The following PSAPL1 variants were observed in gnomAD, a reference collection of about 807,000 sequenced individuals.
The protein encoded by PSAPL1 is proactivator polypeptide-like 1.
For missense variants in PSAPL1, 814 were observed against 688.8 expected (o/e 1.18, Z -2.03); for synonymous variants, 351 against 291.6 (o/e 1.20, Z -2.08).
Position 7,433,889 on chromosome 4 carries a change from A to T in PSAPL1, c.991T>A (p.Ser331Thr), listed in dbSNP as rs763474000. ...LERVCSVMPA[S>T]ITKECIILVD... ...AAGATGATGCACTCCTTCGTGATAG[A>T]GGCAGGCATTACCGAGCACACGCGC... Residue 331 changes from serine to threonine, a missense_variant, in exon 1 of 1, where the codon TCT becomes ACT. Transcript: ENST00000319098. 6.2e-7 allele frequency: 1 copy of T among 1,613,846 alleles called. No homozygotes were observed. The highest frequency in any genetic ancestry group is 1.1e-5 in the South Asian group (1 of 91,056).
Position 7,434,147 on chromosome 4 carries a change from G to T in PSAPL1, c.733C>A (p.Gln245Lys), listed in dbSNP as rs765536291. 1.2e-6 allele frequency: 2 copies of T among 1,613,894 alleles called. No individual in the cohort carries two copies. The highest frequency in any genetic ancestry group is 2.2e-5 in the South Asian group (2 of 91,060). ...ADQALRLLPP[Q>K]ELCRKGGFCE... ...AATCCCCCCTTCCTGCAGAGCTCCT[G>T]CGGGGGGAGAAGCCTCAGTGCTTGG... The change falls in exon 1 of 1, where the codon CAG (glutamine) becomes AAG (lysine). Residue 245 changes from glutamine (Q) to lysine (K), a missense_variant. Coordinates refer to ENST00000319098, the MANE Select transcript of PSAPL1 (RefSeq NM_001085382.2).
In PSAPL1 at chr4:7,433,983, G is replaced by A. The variant is rs75831778; in HGVS notation, c.897C>T (p.Asn299=). ...KAGVTCEVCM[N]VVQKLDHWLM... ...GCCAGTGGTCCAGCTTCTGCACCACGTTCATGCACACCTCACAGGTCACAC... is the reference window on the plus strand; with the variant it reads ...GCCAGTGGTCCAGCTTCTGCACCACATTCATGCACACCTCACAGGTCACAC... The change falls in exon 1 of 1, where the codon AAC becomes AAT. Residue 299 remains asparagine, a synonymous_variant. Transcript: ENST00000319098. 17 of 1,613,770 alleles carry A rather than the reference G, an allele frequency of 1.1e-5. No individual in the cohort carries two copies. The Middle Eastern group carries it at 6.6e-4, about 63-fold the overall frequency.
chr4:7,434,835 G>A lies in PSAPL1; in HGVS notation c.45C>T (p.Thr15=). 1 of 1,594,938 alleles carries A rather than the reference G, an allele frequency of 6.3e-7. No homozygotes were observed. Among genetic ancestry groups the A allele is most frequent in the Non-Finnish European group, 8.5e-7 (1 of 1,171,354 alleles). The change falls in exon 1 of 1, where the codon ACC becomes ACT. Residue 15 remains threonine, a synonymous_variant. Transcript: ENST00000319098. ...LLLLPSLLGA[T]RASPTSGPQE... ...GGGGGCCTGAGGTGGGGCTGGCCCT[G>A]GTGGCCCCCAGGAGGCTGGGCAGGA...
chr4:7,434,454 C>A lies in PSAPL1; in HGVS notation c.426G>T (p.Pro142=). The A allele has an allele frequency of 6.2e-7, 1 of 1,610,468 alleles. No homozygotes were observed. Among genetic ancestry groups the A allele is most frequent in the Non-Finnish European group, 8.5e-7 (1 of 1,179,134 alleles). Residue 142 remains proline, a synonymous_variant, in exon 1 of 1, where the codon CCG becomes CCT. Coordinates refer to ENST00000319098, the MANE Select transcript of PSAPL1 (RefSeq NM_001085382.2). ...TCAGGGTGGCCAGGTGCCTCTGCAG[C>A]GGCTCACAGAGGCTGAGCGCTGTGC... ...QVCTALSLCE[P]LQRHLATLRP...
At position 7,431,606 on chromosome 4, in the gene PSAPL1, C is replaced by G. The variant is rs1278239643; in HGVS notation, c.*1708G>C. 6.6e-6 allele frequency: 1 copy of G among 152,164 alleles called. No individual in the cohort carries two copies. Among genetic ancestry groups the G allele is most frequent in the Non-Finnish European group, 1.5e-5 (1 of 68,052 alleles). The allele number at this position is 152,164 out of a possible 1,614,324, so 9.4% of individuals were successfully genotyped here. ...AAGAGGCAGATACTGAGGCCAACAA[C>G]TTCGGGCCCCTGTGTTTTGGAGTCT... On this transcript the variant is annotated 3_prime_UTR_variant, in exon 1 of 1. Transcript: ENST00000319098.
chr4:7,433,770 C>T lies in PSAPL1; in HGVS notation c.1110G>A (p.Arg370=), dbSNP rs755991782. 2.0e-5 allele frequency: 32 copies of T among 1,613,340 alleles called. No individual in the cohort carries two copies. Among genetic ancestry groups the T allele is most frequent in the Non-Finnish European group, 2.5e-5 (30 of 1,179,844 alleles). The change falls in exon 1 of 1, where the codon AGG becomes AGA. Residue 370 remains arginine (R), a synonymous_variant. Transcript: ENST00000319098. ...AGGCATCATGGACTGCCCGGGCCCGCCTCCGGTTGCCACACAGACGGATGA... is the reference window on the plus strand; with the variant it reads ...AGGCATCATGGACTGCCCGGGCCCGTCTCCGGTTGCCACACAGACGGATGA... ...CKFIRLCGNR[R]RARAVHDAYA...
In PSAPL1 at chr4:7,433,699, C is replaced by G. The variant is rs750805661; in HGVS notation, c.1181G>C (p.Ser394Thr). ...CAGCCTCTTGCACCCATTGCAGAAG[C>G]TGCCCTGGTTCTCCGCGTCCCACTC... ...SPEWDAENQG[S>T]FCNGCKRLLT... Residue 394 changes from serine to threonine, a missense_variant, in exon 1 of 1, where the codon AGC (serine) becomes ACC (threonine). Physicochemically the swap from Ser to Thr is moderately conservative, Grantham distance 58. Coordinates refer to ENST00000319098, the MANE Select transcript of PSAPL1 (RefSeq NM_001085382.2). 12 of 1,612,784 alleles carry G rather than the reference C, an allele frequency of 7.4e-6. No individual in the cohort carries two copies. The African/African-American group carries it at 8.0e-5, about 11-fold the overall frequency.
rs1320894393 is a variant in PSAPL1 at position 7,434,718 on chromosome 4, C to A, written c.162G>T (p.Trp54Cys). The A allele has an allele frequency of 1.2e-6, 2 of 1,612,832 alleles. No individual in the cohort carries two copies. The highest frequency in any genetic ancestry group is 1.1e-5 in the South Asian group (1 of 90,840). Residue 54 changes from tryptophan (W) to cysteine (C), a missense_variant, in exon 1 of 1, where the codon TGG becomes TGT. Physicochemically the swap from Trp to Cys is radical, Grantham distance 215. Transcript: ENST00000319098. Reference sequence around the variant, plus strand: ...GCAGAGACTTCGCGGTGGGTTTGTTCCATACGGCCCCTTGGCAGTACCCCA... The same window carrying A: ...GCAGAGACTTCGCGGTGGGTTTGTTACATACGGCCCCTTGGCAGTACCCCA... The part of the protein sequence containing the change: ...GAVGYCQGAV[W>C]NKPTAKSLPC...
rs771657075 is a variant in PSAPL1 at position 7,434,595 on chromosome 4, A to G, written c.285T>C (p.Cys95=). ...SDILALVMKT[C]EWLPSQESSA... ...AAGACTCCTGGCTGGGGAGCCACTC[A>G]CAGGTCTTCATCACCAAAGCCAGGA... Residue 95 remains cysteine, a synonymous_variant, in exon 1 of 1, where the codon TGT becomes TGC. Coordinates refer to ENST00000319098, the MANE Select transcript of PSAPL1 (RefSeq NM_001085382.2). 8 of 1,613,364 alleles carry G rather than the reference A, an allele frequency of 5.0e-6. No individual in the cohort carries two copies. Among genetic ancestry groups the G allele is most frequent in the African/African-American group, 2.7e-5 (2 of 74,936 alleles).
In PSAPL1 at chr4:7,434,428, C is replaced by T; in HGVS notation, c.452G>A (p.Arg151Lys). Residue 151 changes from arginine to lysine, a missense_variant, in exon 1 of 1, where the codon AGG becomes AAG. By Grantham distance (26) the Arg-to-Lys change is conservative. Coordinates refer to ENST00000319098, the MANE Select transcript of PSAPL1 (RefSeq NM_001085382.2). ...AAAGGTGTCCTCTTTGGAGAGTGGC[C>T]TCAGGGTGGCCAGGTGCCTCTGCAG... ...EPLQRHLATL[R>K]PLSKEDTFEA... 6.2e-7 allele frequency: 1 copy of T among 1,609,202 alleles called. No homozygotes were observed. Among genetic ancestry groups the T allele is most frequent in the Non-Finnish European group, 8.5e-7 (1 of 1,178,562 alleles).
chr4:7,434,850 G>A lies in PSAPL1; in HGVS notation c.30C>T (p.Ser10=). 3.2e-6 allele frequency: 5 copies of A among 1,585,418 alleles called. No individual in the cohort carries two copies. The highest frequency in any genetic ancestry group is 2.3e-5 in the East Asian group (1 of 43,280). ...GGCTGGCCCTGGTGGCCCCCAGGAG[G>A]CTGGGCAGGAGGAGCAGGGCACACA... The part of the protein sequence containing the change: MLCALLLLP[S]LLGATRASPT... The change falls in exon 1 of 1, where the codon AGC becomes AGT. Residue 10 remains serine (S), a synonymous_variant. Coordinates refer to ENST00000319098, the MANE Select transcript of PSAPL1 (RefSeq NM_001085382.2).
At position 7,434,331 on chromosome 4, in the gene PSAPL1, C is replaced by T. The variant is rs1393396063; in HGVS notation, c.549G>A (p.Leu183=). Residue 183 remains leucine (L), a synonymous_variant, in exon 1 of 1, where the codon CTG becomes CTA. Coordinates refer to ENST00000319098, the MANE Select transcript of PSAPL1 (RefSeq NM_001085382.2). ...AGACCTGCCGTACACAGTCTTGGCA[C>T]AGAGCTCCTTCAGGCGCCTGGCGGG... The part of the protein sequence containing the change: ...FHPRQAPEGA[L]CQDCVRQVSR... 6.2e-7 allele frequency: 1 copy of T among 1,610,984 alleles called. No individual in the cohort carries two copies. The highest frequency in any genetic ancestry group is 2.2e-5 in the East Asian group (1 of 44,816).
chr4:7,431,678 C>A lies in PSAPL1; in HGVS notation c.*1636G>T, dbSNP rs1170539732. ...GGCCCATCCGGTGGCCAGGCACGAC[C>A]ACCACCCCTTGCTGGCCTTATCTTT... is the stretch of plus-strand genomic sequence containing the variant. On this transcript the variant is annotated 3_prime_UTR_variant, in exon 1 of 1. Transcript: ENST00000319098. The A allele has an allele frequency of 6.6e-6, 1 of 152,264 alleles. No individual in the cohort carries two copies. Among genetic ancestry groups the A allele is most frequent in the Non-Finnish European group, 1.5e-5 (1 of 68,080 alleles). 9.4% of individuals were successfully genotyped at this position (152,264 alleles called of 1,614,324 possible). A position where few individuals can be genotyped will look rare whatever the true frequency, so the allele number is the denominator to read the frequency against.
chr4:7,434,628 C>T lies in PSAPL1; in HGVS notation c.252G>A (p.Glu84=), dbSNP rs2109239149. Residue 84 remains glutamate, a synonymous_variant, in exon 1 of 1, where the codon GAG becomes GAA. Transcript: ENST00000319098. ...TCATCACCAAAGCCAGGATGTCAGACTCCGTGGCGTCAGGGTTCAGCCCAT... is the reference window on the plus strand; with the variant it reads ...TCATCACCAAAGCCAGGATGTCAGATTCCGTGGCGTCAGGGTTCAGCCCAT... ...AGNGLNPDAT[E]SDILALVMKT... The T allele has an allele frequency of 6.2e-7, 1 of 1,613,362 alleles. No individual in the cohort carries two copies. Among genetic ancestry groups the T allele is most frequent in the South Asian group, 1.1e-5 (1 of 90,886 alleles).
In PSAPL1 at chr4:7,434,315, G is replaced by C. The variant is rs373856385; in HGVS notation, c.565C>G (p.Arg189Gly). 5 of 1,611,272 alleles carry C rather than the reference G, an allele frequency of 3.1e-6. No homozygotes were observed. The Admixed American group carries it at 8.4e-5, about 27-fold the overall frequency. The change falls in exon 1 of 1, where the codon CGG becomes GGG. Residue 189 changes from arginine (R) to glycine (G), a missense_variant. Coordinates refer to ENST00000319098, the MANE Select transcript of PSAPL1 (RefSeq NM_001085382.2). ...GCCTCCTGGAGTCGGGAGACCTGCC[G>C]TACACAGTCTTGGCACAGAGCTCCT... ...PEGALCQDCV[R>G]QVSRLQEAVR... is the part of the protein sequence containing the mutation.
chr4:7,433,763 G>T lies in PSAPL1; in HGVS notation c.1117C>A (p.Arg373=), dbSNP rs751086380. 3 of 1,613,184 alleles carry T rather than the reference G, an allele frequency of 1.9e-6. No individual in the cohort carries two copies. Among genetic ancestry groups the T allele is most frequent in the Non-Finnish European group, 2.5e-6 (3 of 1,179,848 alleles). ...ATGGCATAGGCATCATGGACTGCCC[G>T]GGCCCGCCTCCGGTTGCCACACAGA... The part of the protein sequence containing the change: ...IRLCGNRRRA[R]AVHDAYAIVP... Residue 373 remains arginine (R), a synonymous_variant, in exon 1 of 1, where the codon CGG becomes AGG. Transcript: ENST00000319098.
rs1726747819 is a variant in PSAPL1, at chr4:7,430,315, G to A, written c.*2999C>T. On this transcript the variant is annotated 3_prime_UTR_variant, in exon 1 of 1. Transcript: ENST00000319098. ...AACATCGTTGGGTATATTTGTATCTGGTTTGAAGTTTCTAACAACACATCA... is the reference window on the plus strand; with the variant it reads ...AACATCGTTGGGTATATTTGTATCTAGTTTGAAGTTTCTAACAACACATCA... 1 of 150,790 alleles carries A rather than the reference G, an allele frequency of 6.6e-6. No individual in the cohort carries two copies. The highest frequency in any genetic ancestry group is 2.1e-4 in the South Asian group (1 of 4,796). The allele number at this position is 150,790 out of a possible 1,614,324, so 9.3% of individuals were successfully genotyped here.
chr4:7,433,824 G>C lies in PSAPL1; in HGVS notation c.1056C>G (p.Ala352=). The C allele has an allele frequency of 6.2e-7, 1 of 1,613,798 alleles. No homozygotes were observed. The highest frequency in any genetic ancestry group is 8.5e-7 in the Non-Finnish European group (1 of 1,179,876). The part of the protein sequence containing the change: ...TYSPSLVQLV[A]KITPEKVCKF... Reference sequence around the variant, plus strand: ...TGCACACCTTCTCTGGGGTGATTTTGGCCACAAGCTGCACCAAGGAGGGGC... The same window carrying C: ...TGCACACCTTCTCTGGGGTGATTTTCGCCACAAGCTGCACCAAGGAGGGGC... The change falls in exon 1 of 1, where the codon GCC becomes GCG. Residue 352 remains alanine (A), a synonymous_variant. Transcript: ENST00000319098.
chr4:7,431,819 C>T lies in PSAPL1; in HGVS notation c.*1495G>A, dbSNP rs935759905. ...CTGGGGCGGTGGCCCAGGTCTGCGA[C>T]GTTTACTTAAGAGCTCGGGTGTGGC... On this transcript the variant is annotated 3_prime_UTR_variant, in exon 1 of 1. Coordinates refer to ENST00000319098, the MANE Select transcript of PSAPL1 (RefSeq NM_001085382.2). The T allele has an allele frequency of 2.0e-5, 3 of 152,206 alleles. No homozygotes were observed. The highest frequency in any genetic ancestry group is 4.8e-5 in the African/African-American group (2 of 41,440). 9.4% of individuals were successfully genotyped at this position (152,206 alleles called of 1,614,324 possible).
Sources: allele counts gnomAD v4.1 joint callset, GRCh38; gene constraint gnomAD v4.1.1; transcripts MANE v1.5; gene names NCBI Gene and HGNC (gene_info 2026-07-23, HGNC 2026-07-21).